Variants in EDIL3 observed in about 807,000 individuals in gnomAD.
The protein encoded by EDIL3 is EGF-like repeat and discoidin I-like domain-containing protein 3.
EDIL3 carries 37 observed loss-of-function variants against 67.4 expected under a neutral mutation model. The ratio of observed to expected loss-of-function variants is 0.55; its 90% CI spans 0.42 to 0.72. The LOEUF is 0.72. EDIL3 is among the 30% of genes least tolerant of loss of function. The pLI, the probability that EDIL3 is intolerant of heterozygous loss-of-function variation, is 0.00. For missense variants in EDIL3, 527 were observed against 586.3 expected (o/e 0.90, Z 1.04); for synonymous variants, 195 against 196.3 (o/e 0.99, Z 0.05).
intron 9 of EDIL3, among the ~76,000 whole-genome samples, chr5:84,019,050 T>C (rs895267925): frequency 6.6e-5 from 10 of 152,202 alleles, no homozygotes; most frequent in African/African-American, 2.2e-4. Context: ...ACTGGGTATA[T>C]GCCCAAAGGA....
At chr5:83,960,317 T>C (rs1274231994) in intron 10 of EDIL3, among the ~76,000 whole-genome samples, 1 of 151,166 alleles carries the variant, frequency 6.6e-6, no homozygotes, top group Non-Finnish European at 1.5e-5. Flanking sequence ...CCAGCTCACA[T>C]TATTTTTAGT....
chr5:84,169,814 T>C (rs1748782118), intron 4 of EDIL3, among the ~76,000 whole-genome samples: 1 of 152,116 alleles, frequency 6.6e-6, no homozygotes, highest in Non-Finnish European at 1.5e-5. Flanking sequence ...TGTGCAATTC[T>C]AGATTTCAGG....
At chr5:83,957,792 G>T (rs1384732776) in intron 10 of EDIL3, among the ~76,000 whole-genome samples, 1 of 151,450 alleles carries the variant, frequency 6.6e-6, no homozygotes, top group East Asian at 2.0e-4. Context: ...CCAAATAAAC[G>T]GATTAAATCA....
At chr5:83,949,024 G>A (rs983016144) in intron 10 of EDIL3, among the ~76,000 whole-genome samples, 3 of 151,784 alleles carry the variant, frequency 2.0e-5, no homozygotes, top group Admixed American at 2.0e-4. Context: ...TGTTTCTTTG[G>A]AAAATAGTGA....
At chr5:83,975,331 T>G (rs747384079) in intron 9 of EDIL3, among the ~76,000 whole-genome samples, 2 of 151,984 alleles carry the variant, frequency 1.3e-5, no homozygotes, top group Admixed American at 6.6e-5. Context: ...CTAAAACTAT[T>G]CATGCACTGT....
intron 6 of EDIL3, among the ~76,000 whole-genome samples, chr5:84,101,651 G>C (rs1397071734): frequency 2.6e-5 from 4 of 151,846 alleles, no homozygotes; most frequent in Non-Finnish European, 5.9e-5. Flanking sequence ...AGACAAATAA[G>C]AATCTCTGAA....
intron 9 of EDIL3, among the ~76,000 whole-genome samples, chr5:84,012,266 T>C (rs1745530928): frequency 6.6e-6 from 1 of 152,178 alleles, no homozygotes; most frequent in Admixed American, 6.5e-5. Flanking sequence ...CATTTGATTT[T>C]TGAAAAGTTG....
intron 10 of EDIL3, among the ~76,000 whole-genome samples, chr5:83,952,064 C>A (rs960209543): frequency 6.6e-6 from 1 of 151,754 alleles, no homozygotes; most frequent in Non-Finnish European, 1.5e-5. Context: ...TGTTTTCTTG[C>A]ATAACTTTGG....
At chr5:84,221,043 C>G (rs1213513258) in intron 3 of EDIL3, among the ~76,000 whole-genome samples, 1 of 152,054 alleles carries the variant, frequency 6.6e-6, no homozygotes, top group African/African-American at 2.4e-5. Context: ...GTTATTTAAT[C>G]TATATTTAAA....
chr5:83,942,441 T>A lies in EDIL3; in HGVS notation c.*978A>T, dbSNP rs1744241040. 6.6e-6 allele frequency: 1 copy of A among 152,032 alleles called. No homozygotes were observed. Among genetic ancestry groups the A allele is most frequent in the Non-Finnish European group, 1.5e-5 (1 of 67,962 alleles). The allele number at this position is 152,032 out of a possible 1,614,324, so 9.4% of individuals were successfully genotyped here. On this transcript the variant is annotated 3_prime_UTR_variant, in exon 11 of 11. Coordinates refer to ENST00000296591, the MANE Select transcript of EDIL3 (RefSeq NM_005711.5). ...CAAACTATGCAGCACTATATTAATA[T>A]TTCTTTGCTAAATTTTTTATAAAAT...
intron 6 of EDIL3, among the ~76,000 whole-genome samples, chr5:84,093,816 C>T (rs1240393502): frequency 6.6e-6 from 1 of 151,806 alleles, no homozygotes; most frequent in African/African-American, 2.4e-5. Context: ...TCTGCCACCA[C>T]AACCGGCTAA....
chr5:84,072,328 A>G (rs1220000379), intron 6 of EDIL3, among the ~76,000 whole-genome samples: 1 of 152,106 alleles, frequency 6.6e-6, no homozygotes, highest in Non-Finnish European at 1.5e-5. Context: ...AGTAGCCATT[A>G]AAAGGAATGA....
At chr5:84,266,768 A>T (rs1745361044) in intron 1 of EDIL3, among the ~76,000 whole-genome samples, 1 of 152,166 alleles carries the variant, frequency 6.6e-6, no homozygotes. Flanking sequence ...GTTCCTGACA[A>T]ATTTTTCTGG....
At chr5:84,183,399 T>C (rs2112360272) in intron 3 of EDIL3, among the ~76,000 whole-genome samples, 1 of 152,132 alleles carries the variant, frequency 6.6e-6, no homozygotes, top group East Asian at 1.9e-4. Context: ...AGAGTAAAAA[T>C]GATAGATTTT....
chr5:84,234,852 A>G (rs148247143), intron 2 of EDIL3, among the ~76,000 whole-genome samples: 2 of 152,278 alleles, frequency 1.3e-5, no homozygotes, highest in African/African-American at 4.8e-5. Flanking sequence ...AGAACTATGT[A>G]TTATTGTATT....
chr5:84,177,529 C>A (rs1044394371), intron 4 of EDIL3, among the ~76,000 whole-genome samples: 1 of 152,062 alleles, frequency 6.6e-6, no homozygotes, highest in African/African-American at 2.4e-5. Flanking sequence ...ATACATTTTT[C>A]AAATCCCACA....
chr5:84,172,190 A>T (rs1561452562), intron 4 of EDIL3, among the ~76,000 whole-genome samples: 1 of 152,204 alleles, frequency 6.6e-6, no homozygotes. Context: ...AGACAAGTCC[A>T]TTTTGGAAGT....
rs969620952 is a variant in EDIL3 at position 84,022,474 on chromosome 5, A to G, written c.1137+37826T>C. On this transcript the variant is annotated intron_variant, in intron 9 of 10. Transcript: ENST00000296591. Reference sequence around the variant, plus strand: ...CAGCTACACAAATTTAATATTTAGGAAAACTAAAAGACTCTACCAAAAAAT... The same window carrying G: ...CAGCTACACAAATTTAATATTTAGGGAAACTAAAAGACTCTACCAAAAAAT... Among the ~76,000 whole-genome samples the G allele has an allele frequency of 2.0e-5, 3 of 151,988 alleles. No homozygotes were observed. The East Asian group carries it at 5.8e-4, about 29-fold the overall frequency.
At chr5:84,309,143 T>C (rs964712505) in intron 1 of EDIL3, among the ~76,000 whole-genome samples, 3 of 152,146 alleles carry the variant, frequency 2.0e-5, no homozygotes, top group African/African-American at 7.2e-5. Context: ...ATAATTATGT[T>C]GAAGATTAGT....
Sources: gnomAD v4.1 joint callset for allele counts (sites outside exome capture counted in the v4.1 genomes callset) on GRCh38, gnomAD v4.1.1 for gene constraint, MANE v1.5 for transcripts, NCBI Gene and HGNC (gene_info 2026-07-23, HGNC 2026-07-21) for gene names.